Variants in SH3RF3 observed in about 807,000 individuals in gnomAD.
SH3RF3 encodes E3 ubiquitin-protein ligase SH3RF3.
SH3RF3 carries 29 observed loss-of-function variants against 66.3 expected under a neutral mutation model. The ratio of observed to expected loss-of-function variants is 0.44; its 90% CI spans 0.33 to 0.60. SH3RF3 has a LOEUF of 0.60. Ranked by LOEUF, SH3RF3 falls within the 20% of genes least tolerant of loss-of-function variation. The pLI is 0.04. For synonymous variants in SH3RF3, 583 were observed against 532.0 expected, an observed-to-expected ratio of 1.10 and a Z score of -1.32; for missense variants, 1,194 against 1,190.9, an observed-to-expected ratio of 1.00 and a Z score of -0.04.
At chr2:109,253,875 A>ATT (rs1382606203) in intron 1 of SH3RF3, among the ~76,000 whole-genome samples, 1 of 152,072 alleles carries the variant, frequency 6.6e-6, no homozygotes. Flanking sequence ...ATGTATGAGT[A>ATT]TTTTTTCTTG....
chr2:109,198,681 T>C (rs1194260507), intron 1 of SH3RF3, among the ~76,000 whole-genome samples: 2 of 152,170 alleles, frequency 1.3e-5, no homozygotes, highest in Non-Finnish European at 2.9e-5. Flanking sequence ...ACAGAGAACA[T>C]TTTTCGTGTC....
chr2:109,385,021 C>A (rs1255386857), intron 3 of SH3RF3, among the ~76,000 whole-genome samples: 1 of 152,242 alleles, frequency 6.6e-6, no homozygotes, highest in African/African-American at 2.4e-5. Context: ...AGCCTCACAC[C>A]CTCCCTGCAT....
At chr2:109,429,983 C>T (rs142439452) in intron 5 of SH3RF3, among the ~76,000 whole-genome samples, 1 of 152,226 alleles carries the variant, frequency 6.6e-6, no homozygotes, top group Non-Finnish European at 1.5e-5. Flanking sequence ...CAGCCCACCC[C>T]ACACAGGCCA....
intron 1 of SH3RF3, among the ~76,000 whole-genome samples, chr2:109,313,932 C>T (rs75857218): frequency 0.024 from 3,727 of 152,130 alleles, 64 homozygotes; most frequent in Middle Eastern, 0.078. Context: ...TGCAGGGTGC[C>T]GTGTTTGGAC....
intron 1 of SH3RF3, among the ~76,000 whole-genome samples, chr2:109,242,582 G>A (rs1000647070): frequency 6.6e-6 from 1 of 152,190 alleles, no homozygotes; most frequent in African/African-American, 2.4e-5. Flanking sequence ...GCCCCAGGCC[G>A]GCCTAGCCCA....
intron 2 of SH3RF3, among the ~76,000 whole-genome samples, chr2:109,350,152 A>G (rs939639639): frequency 6.6e-6 from 1 of 152,360 alleles, no homozygotes; most frequent in Admixed American, 6.5e-5. Context: ...TAGAGCCATC[A>G]GGCTTAGACT....
intron 1 of SH3RF3, among the ~76,000 whole-genome samples, chr2:109,241,109 A>G (rs1679770996): frequency 6.6e-6 from 1 of 152,250 alleles, no homozygotes; most frequent in Non-Finnish European, 1.5e-5. Flanking sequence ...GAGAAGCTTC[A>G]TTGTCTAGTA....
chr2:109,463,704 A>G (rs1233501308), intron 8 of SH3RF3, among the ~76,000 whole-genome samples: 1 of 152,186 alleles, frequency 6.6e-6, no homozygotes, highest in Non-Finnish European at 1.5e-5. Flanking sequence ...CAGTCAAGCT[A>G]CCCAAAGTTT....
At chr2:109,363,417 A>G (rs1007806263) in intron 2 of SH3RF3, among the ~76,000 whole-genome samples, 1 of 152,196 alleles carries the variant, frequency 6.6e-6, no homozygotes, top group African/African-American at 2.4e-5. Flanking sequence ...GTACATGAGC[A>G]TTGTAAGTGT....
chr2:109,417,825 C>T (rs1169690025), intron 4 of SH3RF3, among the ~76,000 whole-genome samples: 1 of 152,150 alleles, frequency 6.6e-6, no homozygotes. Flanking sequence ...GGGCTGTAAC[C>T]ACTCAGGGAG....
At chr2:109,131,725 G>A (rs1021848100) in intron 1 of SH3RF3, among the ~76,000 whole-genome samples, 1 of 152,192 alleles carries the variant, frequency 6.6e-6, no homozygotes, top group Non-Finnish European at 1.5e-5. Flanking sequence ...GAACTTTTTA[G>A]TAGTGACATT....
intron 1 of SH3RF3, among the ~76,000 whole-genome samples, chr2:109,130,365 G>T (rs1676660957): frequency 6.6e-6 from 1 of 152,230 alleles, no homozygotes; most frequent in Non-Finnish European, 1.5e-5. Context: ...GCTCACCCCC[G>T]ATTCCTTGGC....
At chr2:109,359,842 C>A (rs780866768) in intron 2 of SH3RF3, among the ~76,000 whole-genome samples, 2 of 152,172 alleles carry the variant, frequency 1.3e-5, no homozygotes, top group Non-Finnish European at 2.9e-5. Context: ...GCCCAGATTC[C>A]CCCATGCAAG....
intron 1 of SH3RF3, among the ~76,000 whole-genome samples, chr2:109,306,389 T>G (rs1023513307): frequency 6.6e-6 from 1 of 152,204 alleles, no homozygotes; most frequent in Non-Finnish European, 1.5e-5. Flanking sequence ...GCTTGGAGAT[T>G]CCTCCTGGAG....
chr2:109,420,385 G>A (rs1223658261), intron 5 of SH3RF3, among the ~76,000 whole-genome samples: 4 of 152,182 alleles, frequency 2.6e-5, no homozygotes, highest in African/African-American at 9.7e-5. Flanking sequence ...ACGTCAGAGG[G>A]ACACTCAGAA....
At chr2:109,156,009 A>G in intron 1 of SH3RF3, among the ~76,000 whole-genome samples, 1 of 152,154 alleles carries the variant, frequency 6.6e-6, no homozygotes, top group Non-Finnish European at 1.5e-5. Context: ...CCAGAGCCCC[A>G]TGCTTCCCAC....
At chr2:109,376,659 C>T (rs750175913) in intron 3 of SH3RF3, among the ~76,000 whole-genome samples, 2 of 150,248 alleles carry the variant, frequency 1.3e-5, no homozygotes, top group South Asian at 4.4e-4. Flanking sequence ...CTGAAAAAGA[C>T]CCCCCAGAGA....
intron 1 of SH3RF3, among the ~76,000 whole-genome samples, chr2:109,341,189 A>G (rs1378539473): frequency 1.3e-5 from 2 of 152,264 alleles, no homozygotes; most frequent in Admixed American, 1.3e-4. Context: ...GGACCCAACA[A>G]GCAGCTTTGA....
At chr2:109,202,736 G>T (rs546339687) in intron 1 of SH3RF3, among the ~76,000 whole-genome samples, 2 of 152,236 alleles carry the variant, frequency 1.3e-5, no homozygotes, top group East Asian at 3.9e-4. Context: ...CGGCCTTCCC[G>T]TGGGGCTGTC....
Sources: allele counts gnomAD v4.1 joint callset (sites outside exome capture counted in the v4.1 genomes callset), GRCh38; gene constraint gnomAD v4.1.1; transcripts MANE v1.5; gene names NCBI Gene and HGNC (gene_info 2026-07-23, HGNC 2026-07-21).